The following SYNPR variants were observed in gnomAD, a reference collection of about 807,000 sequenced individuals.
SYNPR encodes the protein synaptoporin.
Under a neutral mutation model 32.9 loss-of-function variants are expected in SYNPR, and 23 were observed. The observed-to-expected ratio is 0.70, with a 90% confidence interval of 0.50 to 0.99. The LOEUF (loss-of-function observed/expected upper bound fraction) is 0.99. Ranked by LOEUF, SYNPR falls within the 50% of genes least tolerant of loss-of-function variation. SYNPR has a pLI of 0.00. For synonymous variants in SYNPR, 146 were observed against 135.9 expected (o/e 1.07, Z -0.52); for missense variants, 318 against 349.3 (o/e 0.91, Z 0.71).
At chr3:63,227,907 G>A (rs1218376457), upstream of SYNPR, among the ~76,000 whole-genome samples, 1 of 152,176 alleles carries the variant, frequency 6.6e-6, no homozygotes, top group Non-Finnish European at 1.5e-5. Flanking sequence ...GTGGAATTCT[G>A]TTCCTAAGGA....
chr3:63,595,746 T>A (rs1434805514), intron 4 of SYNPR, among the ~76,000 whole-genome samples: 9 of 35,916 alleles, frequency 2.5e-4, no homozygotes, highest in African/African-American at 1.0e-3. Flanking sequence ...TATATATATA[T>A]ATATATATAT....
intron 2 of SYNPR, among the ~76,000 whole-genome samples, chr3:63,473,492 T>C (rs1040929197): frequency 6.6e-6 from 1 of 152,130 alleles, no homozygotes; most frequent in Non-Finnish European, 1.5e-5. Flanking sequence ...GATTCAGCAA[T>C]AAACAAAAAC....
intron 2 of SYNPR, among the ~76,000 whole-genome samples, chr3:63,380,747 C>T (rs2087956764): frequency 1.3e-5 from 2 of 152,240 alleles, no homozygotes; most frequent in East Asian, 1.9e-4. Context: ...GCTGGTTCAA[C>T]ATATGCAAAT....
chr3:63,537,954 C>A (rs561966038), intron 3 of SYNPR, among the ~76,000 whole-genome samples: 2 of 152,100 alleles, frequency 1.3e-5, no homozygotes, highest in South Asian at 2.1e-4. Context: ...TGTCAATAAA[C>A]CTGAGAAAGT....
intron 2 of SYNPR, among the ~76,000 whole-genome samples, chr3:63,374,455 G>C (rs1029991709): frequency 6.6e-6 from 1 of 152,142 alleles, no homozygotes; most frequent in South Asian, 2.1e-4. Context: ...TGGGAAGAGA[G>C]AGAGGATCAA....
At chr3:63,229,125 A>T (rs1339149267) in intron 1 of SYNPR, among the ~76,000 whole-genome samples, 4 of 152,174 alleles carry the variant, frequency 2.6e-5, no homozygotes, top group African/African-American at 9.7e-5. Flanking sequence ...TGATATGACC[A>T]CTGATAGATT....
At chr3:63,299,564 C>G (rs1483536510) in intron 2 of SYNPR, among the ~76,000 whole-genome samples, 1 of 152,090 alleles carries the variant, frequency 6.6e-6, no homozygotes, top group African/African-American at 2.4e-5. Context: ...CCTCACCTAT[C>G]ACGTGGTTCA....
intron 2 of SYNPR, among the ~76,000 whole-genome samples, chr3:63,364,681 C>T (rs1486468816): frequency 1.3e-5 from 2 of 152,160 alleles, no homozygotes; most frequent in Non-Finnish European, 2.9e-5. Context: ...GACCTATTCA[C>T]TGCCACCAAC....
chr3:63,242,575 G>C (rs759606780), intron 1 of SYNPR, among the ~76,000 whole-genome samples: 13 of 152,104 alleles, frequency 8.5e-5, no homozygotes, highest in Non-Finnish European at 1.6e-4. Context: ...CTTCAAATGA[G>C]TGAAACTCAC....
At chr3:63,487,949 C>T (rs12634041) in intron 3 of SYNPR, among the ~76,000 whole-genome samples, 13 of 152,030 alleles carry the variant, frequency 8.6e-5, no homozygotes, top group African/African-American at 2.7e-4. Context: ...ACCATTCCCC[C>T]GCTCATGACT....
At chr3:63,342,615 A>T (rs2087384511) in intron 2 of SYNPR, among the ~76,000 whole-genome samples, 1 of 152,216 alleles carries the variant, frequency 6.6e-6, no homozygotes, top group African/African-American at 2.4e-5. Context: ...GTATCAGGGT[A>T]ACGCTGGCCT....
the SYNPR span, among the ~76,000 whole-genome samples, chr3:63,208,495 C>T: frequency 9.2e-5 from 14 of 152,208 alleles, no homozygotes; most frequent in African/African-American, 3.4e-4. Context: ...CCACAGTCAT[C>T]TGGTTTGTCC....
chr3:63,386,419 T>C (rs2088045690), intron 2 of SYNPR, among the ~76,000 whole-genome samples: 1 of 152,230 alleles, frequency 6.6e-6, no homozygotes, highest in Admixed American at 6.5e-5. Context: ...TCTGGAGTAA[T>C]GAAAAGGTGT....
chr3:63,267,003 C>A (rs2086495559), intron 2 of SYNPR, among the ~76,000 whole-genome samples: 1 of 152,086 alleles, frequency 6.6e-6, no homozygotes, highest in East Asian at 1.9e-4. Context: ...TGGAGATAGG[C>A]CTTATGAAAG....
At chr3:63,281,567 G>T (rs2086630635) in intron 2 of SYNPR, among the ~76,000 whole-genome samples, 3 of 152,072 alleles carry the variant, frequency 2.0e-5, no homozygotes, top group Admixed American at 2.0e-4. Context: ...GAGCCTTCTT[G>T]CTGTGTCTTC....
chr3:63,606,204 A>G (rs1470946922), intron 4 of SYNPR, among the ~76,000 whole-genome samples: 1 of 152,096 alleles, frequency 6.6e-6, no homozygotes, highest in African/African-American at 2.4e-5. Context: ...CTAATGACAA[A>G]GTCTGAACTT....
intron 3 of SYNPR, among the ~76,000 whole-genome samples, chr3:63,515,936 A>G (rs528968472): frequency 8.5e-5 from 13 of 152,174 alleles, no homozygotes; most frequent in African/African-American, 3.1e-4. Flanking sequence ...ATAGAGCATA[A>G]CTTATTTAAC....
In SYNPR at chr3:63,601,140, C is replaced by A. The variant is rs988380132; in HGVS notation, c.409-7985C>A. ...ATACAAAATTAGCCGGGCTTGGTGGCACATGGCTATAATCTCAGCTACTTG... is the reference window on the plus strand; with the variant it reads ...ATACAAAATTAGCCGGGCTTGGTGGAACATGGCTATAATCTCAGCTACTTG... On this transcript the variant is annotated intron_variant, in intron 4 of 5. Coordinates refer to ENST00000478300, the MANE Select transcript of SYNPR (RefSeq NM_001130003.2). Among the ~76,000 whole-genome samples the A allele has an allele frequency of 5.3e-5, 8 of 151,998 alleles. No homozygotes were observed. In the East Asian group the frequency reaches 9.7e-4, roughly 18 times the overall value.
intron 2 of SYNPR, among the ~76,000 whole-genome samples, chr3:63,361,764 A>G (rs1395627293): frequency 6.6e-6 from 1 of 152,098 alleles, no homozygotes; most frequent in Non-Finnish European, 1.5e-5. Context: ...TAATTAACTT[A>G]AGACTTCAGT....
Sources: allele counts gnomAD v4.1 joint callset (sites outside exome capture counted in the v4.1 genomes callset), GRCh38; gene constraint gnomAD v4.1.1; transcripts MANE v1.5; gene names NCBI Gene and HGNC (gene_info 2026-07-23, HGNC 2026-07-21).